ENPP1: variants seen among roughly 807,000 people sequenced by gnomAD.
ENPP1 encodes ectonucleotide pyrophosphatase/phosphodiesterase family member 1.
A neutral mutation model predicts 122.8 loss-of-function variants in ENPP1; 73 were observed. The observed-to-expected ratio is 0.59, with a 90% CI of 0.49 to 0.72. ENPP1 has a LOEUF of 0.72. Among genes scored for constraint, ENPP1 ranks in the 30% least tolerant of loss-of-function variants. The pLI is 0.00. For synonymous variants in ENPP1, 367 were observed against 391.6 expected (o/e 0.94, Z 0.74); for missense variants, 978 against 1,128.1 (o/e 0.87, Z 1.91).
chr6:131,820,616 G>A (rs940182020), intron 1 of ENPP1: 1 of 152,168 alleles, frequency 6.6e-6, no homozygotes, highest in East Asian at 1.9e-4. Context: ...TACAATGATT[G>A]TATCCTTACA....
chr6:131,855,259 T>G (rs1781931390), intron 6 of ENPP1, among the ~76,000 whole-genome samples: 1 of 152,204 alleles, frequency 6.6e-6, no homozygotes, highest in Non-Finnish European at 1.5e-5. Flanking sequence ...TTGGCCATTT[T>G]TATATGTATT....
intron 19 of ENPP1, 33 bp downstream of exon 19, chr6:131,878,626 T>C (rs751180291): frequency 6.5e-7 from 1 of 1,532,024 alleles, no homozygotes; most frequent in Admixed American, 1.7e-5. Flanking sequence ...GCTCGGAATG[T>C]GAAGCAGGCA....
Position 131,875,840 on chromosome 6 carries a change from T to C in ENPP1, c.1700T>C (p.Ile567Thr), listed in dbSNP as rs1782225036. 16 of 1,613,828 alleles carry C rather than the reference T, an allele frequency of 9.9e-6. No homozygotes were observed. The highest frequency in any genetic ancestry group is 1.4e-5 in the Non-Finnish European group (16 of 1,179,718). Residue 567 changes from isoleucine (I) to threonine (T), a missense_variant, in exon 17 of 25, where the codon ATT (isoleucine) becomes ACT (threonine). Physicochemically the swap from Ile to Thr is moderately conservative, Grantham distance 89. Around this residue, in one of 3 missense-constraint regions of ENPP1, gnomAD observed 644 missense variants for 781.5 expected, o/e 0.82. Coordinates refer to ENST00000647893, the MANE Select transcript of ENPP1 (RefSeq NM_006208.3). ...ATTGAGGCTGACACCTTTGAAAACA[T>C]TGAAGTCTATAACTTAATGTGTGGT... ...HGIEADTFEN[I>T]EVYNLMCDLL...
intron 1 of ENPP1, chr6:131,827,888 A>G: frequency 7.1e-7 from 1 of 1,405,636 alleles, no homozygotes; most frequent in South Asian, 1.1e-5. Context: ...GGCCTCACTG[A>G]CTGCTCGGCC....
chr6:131,864,463 C>A, intron 9 of ENPP1, 43 bp from the exon 10 acceptor site: 1 of 1,317,750 alleles, frequency 7.6e-7, no homozygotes, highest in Non-Finnish European at 1.1e-6. Context: ...TACACCCAAA[C>A]AATTGTCAGC....
chr6:131,823,108 C>T (rs1450802885), intron 1 of ENPP1, among the ~76,000 whole-genome samples: 3 of 152,196 alleles, frequency 2.0e-5, no homozygotes, highest in African/African-American at 7.2e-5. Flanking sequence ...TGTGTTCAGT[C>T]ATTTATGAGT....
intron 1 of ENPP1, among the ~76,000 whole-genome samples, chr6:131,811,427 T>TATCTATATCTATATCTATATCTA (rs1351657934): frequency 3.3e-5 from 5 of 150,392 alleles, no homozygotes; most frequent in African/African-American, 1.0e-4. Context: ...TCTATATCTA[T>TATCTATATCTATATCTATATCTA]ATCTATATAT....
chr6:131,847,856 G>A lies in ENPP1; in HGVS notation c.313+8G>A, dbSNP rs1468167742. 1.0e-5 allele frequency: 12 copies of A among 1,181,202 alleles called. No individual in the cohort carries two copies. The highest frequency in any genetic ancestry group is 1.7e-5 in the African/African-American group (1 of 58,516). The allele number at this position is 1,181,202 out of a possible 1,614,324, so 73.2% of individuals were successfully genotyped here. ...CAAGCTGTGCCAAAGAAGGTAATTAGGTGTGTGTGTGTGTGTGTGTGTGTG... is the reference window on the plus strand; with the variant it reads ...CAAGCTGTGCCAAAGAAGGTAATTAAGTGTGTGTGTGTGTGTGTGTGTGTG... On this transcript the variant is annotated splice_region_variant and intron_variant, in intron 2 of 24. Transcript: ENST00000647893.
intron 9 of ENPP1, 63 bp downstream of exon 9, chr6:131,861,767 CT>C: frequency 2.2e-6 from 2 of 917,202 alleles, no homozygotes; most frequent in Non-Finnish European, 3.6e-6. Flanking sequence ...ATGTAATCTC[CT>C]TTTTATTGAA....
chr6:131,879,866 T>C lies in ENPP1; in HGVS notation c.1946-14T>C, dbSNP rs886061067. Reference sequence around the variant, plus strand: ...TGCACACTAACTACATTTATTTTCATCCTGTGACCCAAGAGAAGATTATTA... The same window carrying C: ...TGCACACTAACTACATTTATTTTCACCCTGTGACCCAAGAGAAGATTATTA... On this transcript the variant is annotated splice_polypyrimidine_tract_variant and intron_variant, in intron 19 of 24. Transcript: ENST00000647893. 6.2e-7 allele frequency: 1 copy of C among 1,611,344 alleles called. No individual in the cohort carries two copies. Among genetic ancestry groups the C allele is most frequent in the East Asian group, 2.2e-5 (1 of 44,854 alleles).
At position 131,864,591 on chromosome 6, in the gene ENPP1, C is replaced by A. The variant is rs745895573; in HGVS notation, c.1091+20C>A. ...TGAAAGGTCTGTAGGCAATTAATTT[C>A]TATTGTAAATACTTCGTTTTGTAGA... On this transcript the variant is annotated intron_variant, in intron 10 of 24. Coordinates refer to ENST00000647893, the MANE Select transcript of ENPP1 (RefSeq NM_006208.3). The A allele has an allele frequency of 2.0e-6, 3 of 1,521,946 alleles. No individual in the cohort carries two copies. The highest frequency in any genetic ancestry group is 2.7e-6 in the Non-Finnish European group (3 of 1,097,288). The allele number at this position is 1,521,946 out of a possible 1,614,324, so 94.3% of individuals were successfully genotyped here.
chr6:131,859,756 G>A (rs62424480), intron 7 of ENPP1, among the ~76,000 whole-genome samples: 3,608 of 152,214 alleles, frequency 0.024, 53 homozygotes, highest in Non-Finnish European at 0.028. Context: ...AGTAGAGGGC[G>A]GTGGTTGTCG....
At chr6:131,847,535 T>A (rs183619470) in intron 1 of ENPP1, among the ~76,000 whole-genome samples, 4 of 152,130 alleles carry the variant, frequency 2.6e-5, no homozygotes, top group African/African-American at 9.6e-5. Flanking sequence ...TTTGGAGAAA[T>A]AAAAGGATTT....
rs894526757 is a variant in ENPP1, at chr6:131,877,048, C to T, written c.1780C>T (p.Leu594Phe). The change falls in exon 18 of 25, where the codon CTT becomes TTT. Residue 594 changes from leucine to phenylalanine, a missense_variant. Physicochemically the swap from Leu to Phe is conservative, Grantham distance 22. Around this residue, in one of 3 missense-constraint regions of ENPP1, gnomAD observed 644 missense variants for 781.5 expected, o/e 0.82. Transcript: ENST00000647893. ...CGGAACTCATGGAAGTCTTAACCACCTTCTAAAGAATCCTGTTTATACGCC... is the reference window on the plus strand; with the variant it reads ...CGGAACTCATGGAAGTCTTAACCACTTTCTAAAGAATCCTGTTTATACGCC... ...NNGTHGSLNH[L>F]LKNPVYTPKH... The T allele has an allele frequency of 6.2e-7, 1 of 1,614,092 alleles. No homozygotes were observed. Among genetic ancestry groups the T allele is most frequent in the Non-Finnish European group, 8.5e-7 (1 of 1,179,990 alleles).
In ENPP1 at chr6:131,890,640, G is replaced by A. The variant is rs1258435845; in HGVS notation, c.*129G>A. 2.4e-5 allele frequency: 19 copies of A among 788,204 alleles called. No individual in the cohort carries two copies. Among genetic ancestry groups the A allele is most frequent in the South Asian group, 8.9e-5 (6 of 67,596 alleles). The allele number at this position is 788,204 out of a possible 1,614,324, so 48.8% of individuals were successfully genotyped here. ...GTTAGAACGGAGCCCTCGGTGATGC[G>A]GACATCTCAGGGAAACTTGCGTACT... On this transcript the variant is annotated 3_prime_UTR_variant, in exon 25 of 25. Coordinates refer to ENST00000647893, the MANE Select transcript of ENPP1 (RefSeq NM_006208.3).
chr6:131,863,906 C>A (rs550665129), intron 9 of ENPP1, among the ~76,000 whole-genome samples: 1 of 152,056 alleles, frequency 6.6e-6, no homozygotes, highest in Non-Finnish European at 1.5e-5. Flanking sequence ...CAGAGTGAGA[C>A]TCTGTCTCAA....
At chr6:131,848,273 A>G (rs1781838364) in intron 2 of ENPP1, among the ~76,000 whole-genome samples, 1 of 152,196 alleles carries the variant, frequency 6.6e-6, no homozygotes, top group African/African-American at 2.4e-5. Flanking sequence ...CAAAGCCACA[A>G]TGATATTTTT....
intron 1 of ENPP1, among the ~76,000 whole-genome samples, chr6:131,841,837 G>A (rs970513771): frequency 6.6e-6 from 1 of 152,030 alleles, no homozygotes; most frequent in Non-Finnish European, 1.5e-5. Context: ...CGGTGAGGAG[G>A]GTCTAGCAAG....
intron 7 of ENPP1, among the ~76,000 whole-genome samples, chr6:131,859,432 C>T (rs1030413285): frequency 2.0e-5 from 3 of 151,388 alleles, no homozygotes; most frequent in African/African-American, 7.3e-5. Context: ...TGTTGCCAGA[C>T]TGGAGTGTGG....
Sources: gnomAD v4.1 joint callset for allele counts (sites outside exome capture counted in the v4.1 genomes callset) on GRCh38, gnomAD v4.1.1 for gene constraint, gnomAD v4.1.1 regional missense constraint, MANE v1.5 for transcripts, NCBI Gene and HGNC (gene_info 2026-07-23, HGNC 2026-07-21) for gene names.